The following DHX36 variants were observed in gnomAD, a reference collection of about 807,000 sequenced individuals.
DHX36 encodes DEAH-box helicase 36, also known as ATP-dependent DNA/RNA helicase DHX36.
Under a neutral mutation model 139.0 loss-of-function variants are expected in DHX36, and 50 were observed. The observed-to-expected ratio is 0.36, with a 90% CI of 0.29 to 0.46. The LOEUF is 0.46. Among genes scored for constraint, DHX36 ranks in the 20% least tolerant of loss-of-function variants. The probability of loss-of-function intolerance (pLI) is 1.00; values close to 1 mark genes in which losing one functional copy is unlikely to be tolerated. For missense variants in DHX36, 1,024 were observed against 1,211.3 expected, an observed-to-expected ratio of 0.85 and a Z score of 2.29; for synonymous variants, 425 against 401.9, an observed-to-expected ratio of 1.06 and a Z score of -0.69.
rs140468424 is a variant in DHX36 at position 154,301,731 on chromosome 3, T to C, written c.1218-604A>G. 6.6e-5 allele frequency among the ~76,000 whole-genome samples: 10 copies of C among 152,294 alleles called. No homozygotes were observed. In the East Asian group the frequency reaches 7.7e-4, roughly 12 times the overall value. On this transcript the variant is annotated intron_variant, in intron 9 of 24. Transcript: ENST00000496811. Reference sequence around the variant, plus strand: ...ATGTCAATTGAGTGCTGTACTATGATTCTACTACCATCCTGTAGTGATTGC... The same window carrying C: ...ATGTCAATTGAGTGCTGTACTATGACTCTACTACCATCCTGTAGTGATTGC...
At chr3:154,311,549 T>C in intron 4 of DHX36, 87 bp downstream of exon 4, 1 of 1,084,482 alleles carries the variant, frequency 9.2e-7, no homozygotes, top group Non-Finnish European at 1.3e-6. Flanking sequence ...AGTTCATTAA[T>C]TTACATTTTT....
intron 24 of DHX36, 190 bp downstream of exon 24, chr3:154,276,557 G>T: frequency 2.6e-6 from 2 of 763,704 alleles, no homozygotes; most frequent in Non-Finnish European, 4.2e-6. Context: ...ATCACACTGA[G>T]CCATTTAGAA....
rs1432881024 is a variant in DHX36 at position 154,293,762 on chromosome 3, G to A, written c.1656C>T (p.Asn552=). ...ACTATTTTTACCTAGTCTCCGCAATGTTGGTAGCAATTACTATTTTCCGAA... is the reference window on the plus strand; with the variant it reads ...ACTATTTTTACCTAGTCTCCGCAATATTGGTAGCAATTACTATTTTCCGAA... The part of the protein sequence containing the change: ...PGVRKIVIAT[N]IAETSITIDD... Residue 552 remains asparagine (N), a synonymous_variant, in exon 14 of 25, where the codon AAC becomes AAT. Transcript: ENST00000496811. 1 of 1,612,830 alleles carries A rather than the reference G, an allele frequency of 6.2e-7. No homozygotes were observed. Among genetic ancestry groups the A allele is most frequent in the East Asian group, 2.2e-5 (1 of 44,796 alleles).
intron 17 of DHX36, among the ~76,000 whole-genome samples, chr3:154,287,683 A>G (rs754123420): frequency 9.2e-5 from 14 of 152,046 alleles, no homozygotes; most frequent in Non-Finnish European, 2.1e-4. Flanking sequence ...AATAAAATAA[A>G]ATAAGGAATT....
chr3:154,300,804 A>C (rs532711978), intron 10 of DHX36, 108 bp from the exon 11 acceptor site: 1 of 1,263,224 alleles, frequency 7.9e-7, no homozygotes, highest in African/African-American at 1.5e-5. Flanking sequence ...CATAATCTAC[A>C]GATCGGAGAG....
chr3:154,297,314 T>C (rs946018404), intron 12 of DHX36, among the ~76,000 whole-genome samples: 1 of 152,252 alleles, frequency 6.6e-6, no homozygotes, highest in Admixed American at 6.5e-5. Flanking sequence ...TTAGAGATTC[T>C]TGCTTATACA....
intron 1 of DHX36, among the ~76,000 whole-genome samples, chr3:154,321,317 T>C (rs1413051426): frequency 1.3e-5 from 2 of 152,214 alleles, no homozygotes; most frequent in Admixed American, 6.5e-5. Flanking sequence ...ATGTGCTTCC[T>C]TGATCTCTAT....
At position 154,292,549 on chromosome 3, in the gene DHX36, A is replaced by T; in HGVS notation, c.1814+2T>A. The T allele has an allele frequency of 6.2e-7, 1 of 1,614,076 alleles. No homozygotes were observed. The highest frequency in any genetic ancestry group is 8.5e-7 in the Non-Finnish European group (1 of 1,179,998). On this transcript the variant is annotated splice_donor_variant, in intron 15 of 24. Transcript: ENST00000496811. LOFTEE classifies it high-confidence loss of function. Reference sequence around the variant, plus strand: ...AAGCTTTGGACAGAGTTCCCACCTTACCTTCCAGCTCGACCTTTTCTCTGT... The same window carrying T: ...AAGCTTTGGACAGAGTTCCCACCTTTCCTTCCAGCTCGACCTTTTCTCTGT...
At chr3:154,308,035 T>TA (rs1302698260) in intron 5 of DHX36, among the ~76,000 whole-genome samples, 1 of 152,084 alleles carries the variant, frequency 6.6e-6, no homozygotes, top group Non-Finnish European at 1.5e-5. Flanking sequence ...TATGTGGACA[T>TA]AGAGTGTGGA....
chr3:154,306,406 A>G, intron 5 of DHX36, 111 bp from the exon 6 acceptor site: 1 of 839,510 alleles, frequency 1.2e-6, no homozygotes, highest in South Asian at 1.6e-5. Context: ...TTTCTAAATG[A>G]GTTAAAAAAA....
rs770909427 is a variant in DHX36, at chr3:154,309,791, T to A, written c.675A>T (p.Val225=). 6.2e-7 allele frequency: 1 copy of A among 1,608,308 alleles called. No individual in the cohort carries two copies. The highest frequency in any genetic ancestry group is 8.5e-7 in the Non-Finnish European group (1 of 1,177,928). ...AACCAGTTTCACCACTTATTACTGT[T>A]ACCTGATGGTTATCAATTAAATTTA... ...ELVNLIDNHQ[V]TVISGETGCG... is the part of the protein sequence containing the mutation. Residue 225 remains valine (V), a synonymous_variant, in exon 5 of 25, where the codon GTA becomes GTT. Transcript: ENST00000496811.
intron 5 of DHX36, among the ~76,000 whole-genome samples, chr3:154,307,113 A>C (rs1404031577): frequency 1.3e-5 from 2 of 152,132 alleles, no homozygotes; most frequent in African/African-American, 4.8e-5. Context: ...AATTTTATGC[A>C]ATTTCCTGGA....
intron 8 of DHX36, among the ~76,000 whole-genome samples, chr3:154,303,754 C>G (rs1712390529): frequency 6.6e-6 from 1 of 152,088 alleles, no homozygotes; most frequent in Non-Finnish European, 1.5e-5. Flanking sequence ...AATAGAATAT[C>G]CAGAATATCA....
At chr3:154,300,026 C>A in intron 11 of DHX36, 101 bp from the exon 12 acceptor site, 1 of 752,502 alleles carries the variant, frequency 1.3e-6, no homozygotes, top group South Asian at 1.6e-5. Context: ...ATTATACTAG[C>A]TCAGGATAAT....
chr3:154,277,642 GA>G lies in DHX36; in HGVS notation c.2643del (p.His882ThrfsTer9), dbSNP rs1284713396. 1 of 1,612,240 alleles carries G rather than the reference GA, an allele frequency of 6.2e-7. No homozygotes were observed. Among genetic ancestry groups the G allele is most frequent in the African/African-American group, 1.3e-5 (1 of 74,888 alleles). On this transcript the variant is annotated frameshift_variant, in exon 23 of 25. Transcript: ENST00000496811. LOFTEE classifies it high-confidence loss of function. ...AGGTGATAGATAAGCCAGTTGTAGT[GA>G]AAGTCTGTTTGCTCCACATTAACAG... ...PKSVNVEQTDFHYNWLIYHLK... is the reference protein window; with the variant it reads ...PKSVNVEQTDXHYNWLIYHLK...
At position 154,283,904 on chromosome 3, in the gene DHX36, T is replaced by A. The variant is rs953417787; in HGVS notation, c.2293-633A>T. Among the ~76,000 whole-genome samples, 3 of 152,300 alleles carry A rather than the reference T, an allele frequency of 2.0e-5. No individual in the cohort carries two copies. In the South Asian group the frequency reaches 6.2e-4, roughly 32 times the overall value. On this transcript the variant is annotated intron_variant, in intron 19 of 24. Transcript: ENST00000496811. ...TTATGTACATGATTATGATCCTCTA[T>A]TACATGTTAAATCTGAATACAGGGT... is the stretch of plus-strand genomic sequence containing the variant.
intron 1 of DHX36, among the ~76,000 whole-genome samples, chr3:154,321,519 A>G (rs1005955020): frequency 3.3e-5 from 5 of 152,204 alleles, no homozygotes; most frequent in Middle Eastern, 3.2e-3. Flanking sequence ...ACTGTATTCT[A>G]TTTATCGCTC....
chr3:154,315,090 C>A lies in DHX36; in HGVS notation c.559G>T (p.Asp187Tyr). The change falls in exon 3 of 25, where the codon GAT becomes TAT. Residue 187 changes from aspartate to tyrosine, a missense_variant. This residue lies in a region of DHX36 where 293 missense variants were observed against 274.4 expected (regional missense o/e 1.07). Transcript: ENST00000496811. ...DGTLDQKLLEDLQKKKNDLRY... is the reference protein window; with the variant it reads ...DGTLDQKLLEYLQKKKNDLRY... ...AGGTCATTTTTTTTCTTTTGTAAATCTTCCAATAATTTTTGGTCTAAAGTT... is the reference window on the plus strand; with the variant it reads ...AGGTCATTTTTTTTCTTTTGTAAATATTCCAATAATTTTTGGTCTAAAGTT... 6.2e-7 allele frequency: 1 copy of A among 1,610,520 alleles called. No individual in the cohort carries two copies. Among genetic ancestry groups the A allele is most frequent in the South Asian group, 1.1e-5 (1 of 89,916 alleles).
At position 154,274,124 on chromosome 3, in the gene DHX36, A is replaced by AC. The variant is rs1339628646; in HGVS notation, c.*2046_*2047insG. On this transcript the variant is annotated 3_prime_UTR_variant, in exon 25 of 25. Transcript: ENST00000496811. The stretch of plus-strand genomic sequence containing the variant: ...GAGTTTTGAGACCAGCCTGGGCAAC[A>AC]TGGTGAAACGGTGTCTCTACAAAAA... 1 of 152,602 alleles carries AC rather than the reference A, an allele frequency of 6.6e-6. No homozygotes were observed. Among genetic ancestry groups the AC allele is most frequent in the East Asian group, 1.9e-4 (1 of 5,204 alleles). 9.5% of individuals were successfully genotyped at this position (152,602 alleles called of 1,614,324 possible).
Sources: gnomAD v4.1 joint callset for allele counts (sites outside exome capture counted in the v4.1 genomes callset) on GRCh38, gnomAD v4.1.1 for gene constraint, gnomAD v4.1.1 regional missense constraint, MANE v1.5 for transcripts, NCBI Gene and HGNC (gene_info 2026-07-23, HGNC 2026-07-21) for gene names.